CCDC91: variants seen among roughly 807,000 people sequenced by gnomAD.
CCDC91 encodes coiled-coil domain containing 91.
Under a neutral mutation model 63.2 loss-of-function variants are expected in CCDC91, and 48 were observed. The ratio of observed to expected loss-of-function variants is 0.76; its 90% CI spans 0.60 to 0.97. The LOEUF (loss-of-function observed/expected upper bound fraction) is 0.97, where lower values mean the gene tolerates loss of function less well. Ranked by LOEUF, CCDC91 falls within the 50% of genes least tolerant of loss-of-function variation. The pLI, the probability that CCDC91 is intolerant of heterozygous loss-of-function variation, is 0.00. For synonymous variants in CCDC91, 167 were observed against 165.8 expected, an observed-to-expected ratio of 1.01 and a Z score of -0.06; for missense variants, 500 against 494.6, an observed-to-expected ratio of 1.01 and a Z score of -0.10.
chr12:28,364,267 T>A (rs1228501818), intron 7 of CCDC91, among the ~76,000 whole-genome samples: 1 of 151,836 alleles, frequency 6.6e-6, no homozygotes, highest in Non-Finnish European at 1.5e-5. Context: ...ACACCTGTAA[T>A]CCCAGCTACT....
intron 3 of CCDC91, among the ~76,000 whole-genome samples, chr12:28,263,257 A>G (rs1946950440): frequency 6.6e-6 from 1 of 152,060 alleles, no homozygotes; most frequent in Admixed American, 6.6e-5. Flanking sequence ...GGTAAAACAC[A>G]TAAAACATAA....
At chr12:28,310,627 G>C (rs1483980816) in intron 6 of CCDC91, among the ~76,000 whole-genome samples, 2 of 152,000 alleles carry the variant, frequency 1.3e-5, no homozygotes, top group South Asian at 2.1e-4. Flanking sequence ...TAGCCAAATC[G>C]AAGTTAAAGT....
intron 6 of CCDC91, among the ~76,000 whole-genome samples, chr12:28,308,011 A>T (rs1938927336): frequency 6.6e-6 from 1 of 152,032 alleles, no homozygotes; most frequent in Non-Finnish European, 1.5e-5. Flanking sequence ...ACATTTTGGG[A>T]ACTGTTTATT....
At chr12:28,337,238 A>G (rs1299306779) in intron 6 of CCDC91, among the ~76,000 whole-genome samples, 2 of 152,164 alleles carry the variant, frequency 1.3e-5, no homozygotes, top group African/African-American at 4.8e-5. Flanking sequence ...AATATTTTCC[A>G]TAATACTTCC....
intron 3 of CCDC91, among the ~76,000 whole-genome samples, chr12:28,272,827 T>C (rs879642040): frequency 6.6e-6 from 1 of 152,060 alleles, no homozygotes; most frequent in Non-Finnish European, 1.5e-5. Context: ...TCAACTGTGC[T>C]TGTATAAAAA....
At chr12:28,344,090 G>GA (rs200276817) in intron 6 of CCDC91, among the ~76,000 whole-genome samples, 2 of 151,182 alleles carry the variant, frequency 1.3e-5, no homozygotes, top group Non-Finnish European at 3.0e-5. Flanking sequence ...TTAACAAAAG[G>GA]AAAAAAAATA....
intron 1 of CCDC91, among the ~76,000 whole-genome samples, chr12:28,253,304 G>A (rs1212851466): frequency 6.6e-6 from 1 of 152,024 alleles, no homozygotes; most frequent in Non-Finnish European, 1.5e-5. Context: ...AAAGATGTCT[G>A]GAGTTACTGG....
chr12:28,361,977 T>G (rs1250833369), intron 6 of CCDC91, among the ~76,000 whole-genome samples: 3 of 152,102 alleles, frequency 2.0e-5, no homozygotes, highest in African/African-American at 7.2e-5. Context: ...CTGGAAAGAT[T>G]GTAGGATGTT....
Position 28,412,771 on chromosome 12 carries a change from C to G in CCDC91, c.762+21360C>G, listed in dbSNP as rs1173243284. 2.2e-5 allele frequency: 10 copies of G among 453,476 alleles called. No homozygotes were observed. In the Admixed American group the frequency reaches 2.4e-4, roughly 11 times the overall value. The allele number at this position is 453,476 out of a possible 1,614,324, so 28.1% of individuals were successfully genotyped here. On this transcript the variant is annotated intron_variant, in intron 8 of 12. Coordinates refer to ENST00000536442, the MANE Select transcript of CCDC91 (RefSeq NM_018318.5). Reference sequence around the variant, plus strand: ...CCTTTCAGAGTGCCCTTTTTTCAATCCTTCCTGCGATTGGCTGCTTTTAGA... The same window carrying G: ...CCTTTCAGAGTGCCCTTTTTTCAATGCTTCCTGCGATTGGCTGCTTTTAGA...
chr12:28,232,328 A>G (rs569457080), intron 1 of CCDC91, among the ~76,000 whole-genome samples: 1 of 150,376 alleles, frequency 6.6e-6, no homozygotes, highest in Non-Finnish European at 1.5e-5. Context: ...TTACTTAAAA[A>G]TTTTTTTTTT....
chr12:28,367,296 A>G (rs1489815366), intron 7 of CCDC91, among the ~76,000 whole-genome samples: 1 of 152,214 alleles, frequency 6.6e-6, no homozygotes, highest in African/African-American at 2.4e-5. Context: ...AAAGTAATAG[A>G]CTGTATGAAG....
chr12:28,495,190 G>A (rs929285112), intron 12 of CCDC91, among the ~76,000 whole-genome samples: 5 of 151,688 alleles, frequency 3.3e-5, no homozygotes, highest in African/African-American at 4.8e-5. Flanking sequence ...ATATTATTGC[G>A]ATAGACGTTT....
chr12:28,298,795 A>AC (rs1937719906), intron 3 of CCDC91, among the ~76,000 whole-genome samples: 2 of 145,756 alleles, frequency 1.4e-5, no homozygotes, highest in Admixed American at 1.4e-4. Context: ...TATATATATA[A>AC]GAGCTTTGCT....
intron 4 of CCDC91, among the ~76,000 whole-genome samples, chr12:28,306,329 CAGT>C (rs1434733107): frequency 6.6e-6 from 1 of 151,952 alleles, no homozygotes; most frequent in African/African-American, 2.4e-5. Context: ...TTTTGCGAGA[CAGT>C]GGTGATCAAT....
At chr12:28,446,391 T>G (rs1271198833) in intron 8 of CCDC91, among the ~76,000 whole-genome samples, 1 of 151,968 alleles carries the variant, frequency 6.6e-6, no homozygotes, top group Non-Finnish European at 1.5e-5. Flanking sequence ...AACAAAAACA[T>G]CTCAAATGAA....
intron 11 of CCDC91, among the ~76,000 whole-genome samples, chr12:28,462,427 AG>A (rs1950351938): frequency 6.6e-6 from 1 of 152,086 alleles, no homozygotes; most frequent in Non-Finnish European, 1.5e-5. Flanking sequence ...TGGAACAACT[AG>A]GTATTTCTTT....
intron 12 of CCDC91, among the ~76,000 whole-genome samples, chr12:28,490,280 T>C (rs6487684): frequency 0.75 from 114,350 of 151,642 alleles, 43,667 homozygotes; most frequent in African/African-American, 0.83. Context: ...TTGTAACTTT[T>C]GATTTGGGTC....
intron 7 of CCDC91, among the ~76,000 whole-genome samples, chr12:28,380,131 A>G (rs928042746): frequency 1.3e-5 from 2 of 152,056 alleles, no homozygotes; most frequent in Admixed American, 1.3e-4. Flanking sequence ...CAATGAGATC[A>G]CTTGGACACA....
intron 8 of CCDC91, among the ~76,000 whole-genome samples, chr12:28,392,832 G>A (rs556205019): frequency 6.6e-6 from 1 of 152,284 alleles, no homozygotes; most frequent in African/African-American, 2.4e-5. Context: ...CCATTATCAG[G>A]TCCAGATGTG....
Sources: allele counts gnomAD v4.1 joint callset (sites outside exome capture counted in the v4.1 genomes callset), GRCh38; gene constraint gnomAD v4.1.1; transcripts MANE v1.5; gene names NCBI Gene and HGNC (gene_info 2026-07-23, HGNC 2026-07-21).